The following TBL1Y variants were observed in gnomAD, a reference collection of about 807,000 sequenced individuals.
TBL1Y encodes transducin beta like 1 Y-linked, also known as F-box-like/WD repeat-containing protein TBL1Y.
A neutral mutation model predicts 12.0 loss-of-function variants in TBL1Y; 15 were observed. The observed-to-expected ratio is 1.25, with a 90% CI of 0.83 to 1.92. The LOEUF (loss-of-function observed/expected upper bound fraction) is 1.92, where lower values mean the gene tolerates loss of function less well. TBL1Y is among the 40% of genes most tolerant of loss of function. TBL1Y has a pLI of 0.00. For synonymous variants in TBL1Y, 53 were observed against 42.6 expected (o/e 1.24, Z -0.95); for missense variants, 148 against 116.7 (o/e 1.27, Z -1.24).
intron 4 of TBL1Y, among the ~76,000 whole-genome samples, chrY:7,003,016 G>T (rs1334273143): frequency 5.9e-5 from 2 of 33,999 alleles, no homozygotes. Flanking sequence ...TCTATGAGCT[G>T]TTATTATTAT....
intron 3 of TBL1Y, among the ~76,000 whole-genome samples, chrY:6,986,494 T>C (rs990227354): frequency 1.2e-4 from 4 of 33,747 alleles, no homozygotes; most frequent in African/African-American, 4.7e-4. Flanking sequence ...ACCATTGTAC[T>C]CTAGCCTGGG....
chrY:6,927,466 T>G (rs2011835135), intron 2 of TBL1Y, among the ~76,000 whole-genome samples: 1 of 33,488 alleles, frequency 3.0e-5, no homozygotes, highest in Non-Finnish European at 7.3e-5. Flanking sequence ...CCTCAGTTGA[T>G]CACCCGCCTT....
At chrY:7,056,823 T>G (rs766382662) in intron 7 of TBL1Y, among the ~76,000 whole-genome samples, 1 of 33,434 alleles carries the variant, frequency 3.0e-5, no homozygotes, top group Admixed American at 2.7e-4. Context: ...ATATAAAATT[T>G]TCTTTTAATT....
chrY:6,911,161 C>G (rs2011688692), intron 1 of TBL1Y, among the ~76,000 whole-genome samples, 179 bp downstream of exon 1: 1 of 34,830 alleles, frequency 2.9e-5, no homozygotes, highest in Non-Finnish European at 7.3e-5. Flanking sequence ...CGGAGCGCTC[C>G]CTGGACTCAA....
chrY:6,971,416 A>G, intron 2 of TBL1Y, among the ~76,000 whole-genome samples: 1 of 32,772 alleles, frequency 3.1e-5, no homozygotes. Context: ...GAAACCAGCC[A>G]TAGATAGTGT....
At chrY:7,064,834 TG>T (rs2012965186) in intron 8 of TBL1Y, among the ~76,000 whole-genome samples, 1 of 33,818 alleles carries the variant, frequency 3.0e-5, no homozygotes, top group Non-Finnish European at 7.3e-5. Flanking sequence ...AGTGCCTCTC[TG>T]GCTGGAGAAT....
intron 3 of TBL1Y, among the ~76,000 whole-genome samples, chrY:6,978,691 A>G: frequency 3.0e-5 from 1 of 33,265 alleles, no homozygotes. Flanking sequence ...TTGAAAGATC[A>G]TTTTATCCTA....
chrY:6,966,943 A>G, intron 2 of TBL1Y, among the ~76,000 whole-genome samples: 1 of 33,467 alleles, frequency 3.0e-5, no homozygotes, highest in Non-Finnish European at 7.4e-5. Context: ...TGTGGATCCT[A>G]TCCCTTTTCA....
chrY:7,031,906 G>A (rs1007527939), intron 6 of TBL1Y, among the ~76,000 whole-genome samples: 1 of 33,344 alleles, frequency 3.0e-5, no homozygotes, highest in Non-Finnish European at 7.4e-5. Context: ...CAGTGGAAGG[G>A]TAGTTGCTGG....
chrY:6,992,061 G>A (rs2012369935), intron 3 of TBL1Y, among the ~76,000 whole-genome samples: 1 of 34,048 alleles, frequency 2.9e-5, no homozygotes, highest in South Asian at 6.6e-4. Context: ...ACTGGACGAT[G>A]TCCAAGTCTG....
intron 2 of TBL1Y, among the ~76,000 whole-genome samples, chrY:6,918,122 G>A: frequency 3.0e-5 from 1 of 33,114 alleles, no homozygotes; most frequent in Non-Finnish European, 7.4e-5. Flanking sequence ...GCCAGCCTCT[G>A]GTCCCCATGT....
chrY:7,070,918 A>G, intron 10 of TBL1Y, 57 bp downstream of exon 10: 2 of 366,123 alleles, frequency 5.5e-6, no homozygotes, highest in Non-Finnish European at 7.5e-6. Context: ...CCAGCCAGGC[A>G]TGGGCTGCAG....
chrY:6,933,432 G>C (rs2011881085), intron 2 of TBL1Y, among the ~76,000 whole-genome samples: 1 of 33,523 alleles, frequency 3.0e-5, no homozygotes, highest in African/African-American at 1.2e-4. Context: ...GGCTCTAAAT[G>C]TGAAATCCCA....
At chrY:6,925,504 T>C (rs2011820078) in intron 2 of TBL1Y, among the ~76,000 whole-genome samples, 3 of 33,588 alleles carry the variant, frequency 8.9e-5, no homozygotes, top group Non-Finnish European at 2.2e-4. Context: ...TTGCAATCTC[T>C]GTCTCCTGGG....
chrY:7,034,861 C>T lies in TBL1Y; in HGVS notation c.59-8119C>T, dbSNP rs201402930. Among the ~76,000 whole-genome samples the T allele has an allele frequency of 3.9e-4, 13 of 33,525 alleles. No homozygotes were observed. In the East Asian group the frequency reaches 0.01, roughly 26 times the overall value. The allele number at this position is 33,525 out of a possible 37,273, so 89.9% of individuals were successfully genotyped here. A position where few individuals can be genotyped will look rare whatever the true frequency, so the allele number is the denominator to read the frequency against. ...AACGTAAGACCTAAAATGATAAAAA[C>T]CCTAGAAGAAAACTTGGGCAATACC... On this transcript the variant is annotated intron_variant, in intron 6 of 18. Transcript: ENST00000383032.
chrY:6,919,019 G>T (rs779896752), intron 2 of TBL1Y: 1 of 30,556 alleles, frequency 3.3e-5, no homozygotes, highest in African/African-American at 1.3e-4. Flanking sequence ...TGAGTAGATG[G>T]GACTACAGGC....
At chrY:6,978,486 G>A in intron 3 of TBL1Y, among the ~76,000 whole-genome samples, 1 of 33,948 alleles carries the variant, frequency 2.9e-5, no homozygotes, top group African/African-American at 1.1e-4. Context: ...ATCATGCTTC[G>A]TCCTCATGCA....
Position 7,086,363 on chromosome Y carries a change from G to A in TBL1Y, c.1226G>A (p.Trp409Ter). 2.6e-6 allele frequency: 1 copy of A among 386,983 alleles called. No individual in the cohort carries two copies. The highest frequency in any genetic ancestry group is 3.6e-6 in the Non-Finnish European group (1 of 275,961). ...AHSKEIYTIK[W>*]SPTGPATSNP... ...AGCAAAGAGATCTACACCATCAAGT[G>A]GAGCCCCACCGGGCCTGCCACCAGC... is the stretch of plus-strand genomic sequence containing the variant. Residue 409 changes from tryptophan (W) to a stop codon, truncating the protein, a stop_gained, in exon 16 of 19, where the codon TGG becomes TAG. Coordinates refer to ENST00000383032, the MANE Select transcript of TBL1Y (RefSeq NM_033284.2). LOFTEE classifies it high-confidence loss of function.
At chrY:7,067,597 G>C in intron 8 of TBL1Y, among the ~76,000 whole-genome samples, 2 of 34,090 alleles carry the variant, frequency 5.9e-5, no homozygotes, top group African/African-American at 2.3e-4. Flanking sequence ...ATGCAGAAAC[G>C]ATGCCACAGA....
Sources: allele counts gnomAD v4.1 joint callset (sites outside exome capture counted in the v4.1 genomes callset), GRCh38; gene constraint gnomAD v4.1.1; transcripts MANE v1.5; gene names NCBI Gene and HGNC (gene_info 2026-07-23, HGNC 2026-07-21).